The following KDM4B variants were observed in gnomAD, a reference collection of about 807,000 sequenced individuals.
The protein encoded by KDM4B is lysine demethylase 4B.
KDM4B carries 32 observed loss-of-function variants against 125.2 expected under a neutral mutation model. The ratio of observed to expected loss-of-function variants is 0.26; its 90% CI spans 0.19 to 0.34. KDM4B has a LOEUF of 0.34. KDM4B is among the 10% of genes least tolerant of loss of function. The pLI is 1.00. For synonymous variants in KDM4B, 721 were observed against 677.9 expected, an observed-to-expected ratio of 1.06 and a Z score of -0.99; for missense variants, 1,190 against 1,577.7, an observed-to-expected ratio of 0.75 and a Z score of 4.16.
chr19:5,137,468 T>G lies in KDM4B; in HGVS notation c.2385+130T>G. ...TTCCTTCACCTCTGCCCTGAGGGGG[T>G]GGAACCCAAGGGATTCCCACCCGTC... On this transcript the variant is annotated intron_variant, in intron 16 of 22. Transcript: ENST00000159111. 4 of 1,202,214 alleles carry G rather than the reference T, an allele frequency of 3.3e-6. No homozygotes were observed. In the Admixed American group the frequency reaches 8.2e-5, roughly 25 times the overall value. The allele number at this position is 1,202,214 out of a possible 1,614,324, so 74.5% of individuals were successfully genotyped here.
intron 21 of KDM4B, among the ~76,000 whole-genome samples, chr19:5,146,105 C>G (rs1484083070): frequency 6.8e-6 from 1 of 147,622 alleles, no homozygotes; most frequent in Non-Finnish European, 1.5e-5. Context: ...CCAGGACCCC[C>G]ACCCCCGGCC....
intron 6 of KDM4B, among the ~76,000 whole-genome samples, chr19:5,060,132 A>C (rs532194041): frequency 6.6e-6 from 1 of 152,192 alleles, no homozygotes. Context: ...GTGATCCCTC[A>C]CTGCTCTGGA....
In KDM4B at chr19:5,035,885, G is replaced by GCA. The variant is rs1568244671; in HGVS notation, c.141+2855_141+2856insAC. Among the ~76,000 whole-genome samples the GCA allele has an allele frequency of 2.8e-5, 4 of 141,520 alleles. No individual in the cohort carries two copies. The highest frequency in any genetic ancestry group is 5.7e-4 in the East Asian group (2 of 3,490). 92.8% of individuals were successfully genotyped at this position (141,520 alleles called of 152,430 possible). On this transcript the variant is annotated intron_variant, in intron 3 of 22. Transcript: ENST00000159111. The surrounding 1 kb of genome is among the most constrained non-coding windows in gnomAD (Gnocchi z 5.3). ...TCTCTGTGTGTGTGTGTGTGTGCGC[G>GCA]CGCGCGCGCGCCTGCGCGCACAGGA...
At chr19:4,990,989 C>T (rs973408929) in intron 1 of KDM4B, among the ~76,000 whole-genome samples, 20 of 152,042 alleles carry the variant, frequency 1.3e-4, no homozygotes, top group Middle Eastern at 3.4e-3. Flanking sequence ...GGCGTGATGG[C>T]GGGCGCCTGT....
At position 5,047,631 on chromosome 19, in the gene KDM4B, C is replaced by T. The variant is rs2037068615; in HGVS notation, c.588C>T (p.Tyr196=). The T allele has an allele frequency of 6.2e-7, 1 of 1,613,976 alleles. No individual in the cohort carries two copies. Among genetic ancestry groups the T allele is most frequent in the Non-Finnish European group, 8.5e-7 (1 of 1,179,888 alleles). The change falls in exon 6 of 23, where the codon TAC becomes TAT. Residue 196 remains tyrosine (Y), a synonymous_variant. Coordinates refer to ENST00000159111, the MANE Select transcript of KDM4B (RefSeq NM_015015.3). ...FAWHTEDMDL[Y]SINYLHFGEP... ...GGCACACCGAGGACATGGACCTGTA[C>T]AGCATCAACTACCTGCACTTTGGGG...
intron 6 of KDM4B, among the ~76,000 whole-genome samples, chr19:5,064,842 A>G (rs2037716764): frequency 6.6e-6 from 1 of 152,098 alleles, no homozygotes; most frequent in South Asian, 2.1e-4. Context: ...TGTGGTGGGG[A>G]CATGTGTGGC....
At chr19:5,134,373 G>A (rs2039611884) in intron 14 of KDM4B, among the ~76,000 whole-genome samples, 1 of 152,306 alleles carries the variant, frequency 6.6e-6, no homozygotes, top group Middle Eastern at 3.4e-3. Context: ...TGGGCCGGGT[G>A]GTGTGGGAGT....
chr19:5,119,626 T>A lies in KDM4B; in HGVS notation c.1116-27T>A, dbSNP rs1415178538. 6 of 1,548,488 alleles carry A rather than the reference T, an allele frequency of 3.9e-6. No individual in the cohort carries two copies. The East Asian group carries it at 1.5e-4, about 38-fold the overall frequency. ...GGGCTCTTCCCTCCCTGGTCTCCCC[T>A]CCTGCCTGATAAACCTCCCTCTCCA... is the stretch of plus-strand genomic sequence containing the variant. On this transcript the variant is annotated intron_variant, in intron 10 of 22. Coordinates refer to ENST00000159111, the MANE Select transcript of KDM4B (RefSeq NM_015015.3).
chr19:5,026,711 A>C, intron 2 of KDM4B, among the ~76,000 whole-genome samples: 1 of 152,196 alleles, frequency 6.6e-6, no homozygotes, highest in Non-Finnish European at 1.5e-5. Context: ...GGGGCAGCAC[A>C]GAGTGGGCAC....
In KDM4B at chr19:5,150,434, G is replaced by A; in HGVS notation, c.3098G>A (p.Arg1033Lys). The A allele has an allele frequency of 6.4e-7, 1 of 1,550,810 alleles. No homozygotes were observed. The highest frequency in any genetic ancestry group is 1.4e-5 in the African/African-American group (1 of 73,158). Residue 1033 changes from arginine (R) to lysine (K), a missense_variant, in exon 22 of 23, where the codon AGG becomes AAG. Arg to Lys is a conservative substitution (Grantham distance 26). Coordinates refer to ENST00000159111, the MANE Select transcript of KDM4B (RefSeq NM_015015.3). ...IFTLEEELPK[R>K]VRSRLSLSTG... Reference sequence around the variant, plus strand: ...ACCCTGGAGGAGGAGCTGCCCAAGAGGGTCCGCTCTCGGCTGGTGAGTGCG... The same window carrying A: ...ACCCTGGAGGAGGAGCTGCCCAAGAAGGTCCGCTCTCGGCTGGTGAGTGCG...
intron 2 of KDM4B, among the ~76,000 whole-genome samples, chr19:5,031,418 G>T (rs59027509): frequency 6.6e-6 from 1 of 152,152 alleles, no homozygotes; most frequent in African/African-American, 2.4e-5. Context: ...TGCACTTGGG[G>T]CCTCCTGTGC....
At chr19:4,986,812 G>A (rs1371080257) in intron 1 of KDM4B, among the ~76,000 whole-genome samples, 2 of 152,250 alleles carry the variant, frequency 1.3e-5, no homozygotes, top group Non-Finnish European at 2.9e-5. Context: ...GCGGAACGAG[G>A]CGCAGCTCAC....
intron 1 of KDM4B, among the ~76,000 whole-genome samples, chr19:4,969,453 G>A (rs1419989011): frequency 6.7e-6 from 1 of 148,370 alleles, no homozygotes; most frequent in Non-Finnish European, 1.5e-5. Context: ...GGCGGGGGCG[G>A]CGGGGCCGGA....
intron 4 of KDM4B, 73 bp downstream of exon 4, chr19:5,040,084 A>G (rs1273984501): frequency 5.4e-6 from 8 of 1,474,232 alleles, no homozygotes; most frequent in African/African-American, 1.4e-5. Flanking sequence ...CCCTGGGGGC[A>G]GAGAAGGTGC....
chr19:5,124,495 G>T (rs1439436487), intron 11 of KDM4B, among the ~76,000 whole-genome samples: 1 of 152,200 alleles, frequency 6.6e-6, no homozygotes, highest in Non-Finnish European at 1.5e-5. Context: ...TCCCTCTTGA[G>T]CAGACTCTAG....
chr19:5,135,261 C>T (rs1386523416), intron 14 of KDM4B, 78 bp from the exon 15 acceptor site: 44 of 957,092 alleles, frequency 4.6e-5, no homozygotes, highest in Non-Finnish European at 4.5e-5. Context: ...GGGGCAGGTG[C>T]CCTGAGAGAG....
At chr19:5,077,784 C>T (rs998224851) in intron 8 of KDM4B, 3 of 327,392 alleles carry the variant, frequency 9.2e-6, no homozygotes, top group South Asian at 4.3e-5. Flanking sequence ...GGGGCAGGCC[C>T]TGCTGACCTG....
chr19:4,983,132 T>C (rs1037211201), intron 1 of KDM4B, among the ~76,000 whole-genome samples: 1 of 149,016 alleles, frequency 6.7e-6, no homozygotes, highest in African/African-American at 2.6e-5. Flanking sequence ...TGCTTTTTCT[T>C]TTCTTTTTTT....
At chr19:5,004,019 C>T (rs574809064) in intron 1 of KDM4B, among the ~76,000 whole-genome samples, 21 of 152,276 alleles carry the variant, frequency 1.4e-4, no homozygotes, top group South Asian at 2.1e-4. Context: ...CGTCCTGTTT[C>T]GTGTTATTTT....
Sources: gnomAD v4.1 joint callset for allele counts (sites outside exome capture counted in the v4.1 genomes callset) on GRCh38, gnomAD v4.1.1 for gene constraint, Gnocchi (gnomAD v3.1) non-coding constraint, MANE v1.5 for transcripts, NCBI Gene and HGNC (gene_info 2026-07-23, HGNC 2026-07-21) for gene names.